Variants in TRPC6 observed in about 807,000 individuals in gnomAD.
TRPC6 encodes short transient receptor potential channel 6.
A neutral mutation model predicts 90.7 loss-of-function variants in TRPC6; 55 were observed. That is an observed-to-expected ratio of 0.61 (90% CI 0.49 to 0.76). The LOEUF is 0.76. Among genes scored for constraint, TRPC6 ranks in the 30% least tolerant of loss-of-function variants. The pLI, the probability that TRPC6 is intolerant of heterozygous loss-of-function variation, is 0.00. For synonymous variants in TRPC6, 393 were observed against 393.0 expected (o/e 1.00, Z 0.00); for missense variants, 989 against 1,122.7 (o/e 0.88, Z 1.70).
chr11:101,459,240 AG>A (rs1858949713), intron 10 of TRPC6, among the ~76,000 whole-genome samples: 1 of 152,182 alleles, frequency 6.6e-6, no homozygotes, highest in Admixed American at 6.5e-5. Context: ...TGAGAGATAA[AG>A]GGAAGTGGAA....
At chr11:101,530,336 C>G (rs1264264397) in intron 1 of TRPC6, among the ~76,000 whole-genome samples, 1 of 152,134 alleles carries the variant, frequency 6.6e-6, no homozygotes, top group African/African-American at 2.4e-5. Flanking sequence ...ACAGCAGATC[C>G]TACGACAGCT....
intron 1 of TRPC6, among the ~76,000 whole-genome samples, chr11:101,567,301 C>T (rs376547947): frequency 1.3e-5 from 2 of 152,044 alleles, no homozygotes; most frequent in Non-Finnish European, 2.9e-5. Context: ...GCCCCTCAGG[C>T]CAGACTGCCT....
At chr11:101,527,594 T>C (rs182545910) in intron 1 of TRPC6, among the ~76,000 whole-genome samples, 8 of 152,288 alleles carry the variant, frequency 5.3e-5, no homozygotes, top group Admixed American at 1.3e-4. Flanking sequence ...TTTAATTCTT[T>C]TCATGGACAT....
At chr11:101,497,680 AAG>A (rs777334741) in intron 2 of TRPC6, among the ~76,000 whole-genome samples, 21 of 152,114 alleles carry the variant, frequency 1.4e-4, no homozygotes, top group Non-Finnish European at 3.1e-4. Context: ...TGCTATATAA[AAG>A]AGGGGATTTT....
chr11:101,534,220 C>T (rs1170065425), intron 1 of TRPC6, among the ~76,000 whole-genome samples: 1 of 152,188 alleles, frequency 6.6e-6, no homozygotes, highest in Non-Finnish European at 1.5e-5. Flanking sequence ...ACTGCAACCT[C>T]TGCCTCCCTG....
rs372635385 is a variant in TRPC6 at position 101,573,996 on chromosome 11, G to A, written c.170+9338C>T. Among the ~76,000 whole-genome samples the A allele has an allele frequency of 1.4e-5, 2 of 147,790 alleles. 1 individual carries two copies. Among genetic ancestry groups the A allele is most frequent in the African/African-American group, 5.1e-5 (2 of 39,516 alleles). Reference sequence around the variant, plus strand: ...TTGAGAAGGGTGGAGAGTACGTAAGGAACAGTGTTGAATCAGATTTGTTTA... The same window carrying A: ...TTGAGAAGGGTGGAGAGTACGTAAGAAACAGTGTTGAATCAGATTTGTTTA... On this transcript the variant is annotated intron_variant, in intron 1 of 12. Coordinates refer to ENST00000344327, the MANE Select transcript of TRPC6 (RefSeq NM_004621.6).
At chr11:101,483,310 T>TA in intron 4 of TRPC6, 145 bp from the exon 5 acceptor site, 1 of 1,055,786 alleles carries the variant, frequency 9.5e-7, no homozygotes, top group Non-Finnish European at 1.4e-6. Flanking sequence ...CGTGATAGAG[T>TA]AATATCTTTA....
At chr11:101,470,816 C>A (rs1405825956) in intron 9 of TRPC6, among the ~76,000 whole-genome samples, 1 of 60,616 alleles carries the variant, frequency 1.6e-5, no homozygotes, top group Admixed American at 1.6e-4. Context: ...CGCCCCCCCC[C>A]CCTCCCCGAG....
intron 10 of TRPC6, chr11:101,455,553 G>A (rs1454270592): frequency 1.3e-5 from 2 of 159,052 alleles, no homozygotes; most frequent in South Asian, 1.8e-4. Context: ...GACTGTGGTG[G>A]AGCAGAATTC....
At chr11:101,550,769 G>C (rs1861432005) in intron 1 of TRPC6, among the ~76,000 whole-genome samples, 1 of 151,524 alleles carries the variant, frequency 6.6e-6, no homozygotes, top group South Asian at 2.1e-4. Context: ...CACTGGACTG[G>C]AAAAATGTGT....
At chr11:101,462,235 G>A (rs1591522948) in intron 10 of TRPC6, among the ~76,000 whole-genome samples, 2 of 152,312 alleles carry the variant, frequency 1.3e-5, no homozygotes, top group East Asian at 3.9e-4. Context: ...ATAGTTTGAA[G>A]TCAGGAGCGT....
At chr11:101,460,007 T>A (rs1342475443) in intron 10 of TRPC6, among the ~76,000 whole-genome samples, 1 of 152,216 alleles carries the variant, frequency 6.6e-6, no homozygotes, top group South Asian at 2.1e-4. Context: ...AATGAATTGC[T>A]GAAGGGGCAG....
intron 1 of TRPC6, among the ~76,000 whole-genome samples, chr11:101,578,944 T>C (rs1265368708): frequency 1.3e-5 from 2 of 152,178 alleles, no homozygotes; most frequent in African/African-American, 4.8e-5. Context: ...TTTGGTGTTC[T>C]GCAATTTAAA....
intron 1 of TRPC6, among the ~76,000 whole-genome samples, chr11:101,527,877 G>T (rs996263522): frequency 3.9e-5 from 6 of 152,002 alleles, no homozygotes; most frequent in African/African-American, 1.5e-4. Flanking sequence ...TTAGAGACCA[G>T]CCTGGCCAAC....
rs1861638850 is a variant in TRPC6 at position 101,558,460 on chromosome 11, T to TACACACACATACACAC, written c.170+24873_170+24874insGTGTGTATGTGTGTGT. 7.9e-5 allele frequency among the ~76,000 whole-genome samples: 4 copies of TACACACACATACACAC among 50,448 alleles called. 1 individual carries two copies. Among genetic ancestry groups the TACACACACATACACAC allele is most frequent in the African/African-American group, 3.5e-4 (4 of 11,382 alleles). The allele number at this position is 50,448 out of a possible 152,430, so 33.1% of individuals were successfully genotyped here. A position where few individuals can be genotyped will look rare whatever the true frequency, so the allele number is the denominator to read the frequency against. ...ATACATATATATACACACGCACACA[T>TACACACACATACACAC]ACACACACACACACACACACACACA... On this transcript the variant is annotated intron_variant, in intron 1 of 12. Transcript: ENST00000344327.
At chr11:101,480,102 C>T (rs1180215491) in intron 5 of TRPC6, among the ~76,000 whole-genome samples, 1 of 152,036 alleles carries the variant, frequency 6.6e-6, no homozygotes, top group African/African-American at 2.4e-5. Flanking sequence ...TGCTTGAACC[C>T]GGGAGGTGGA....
At chr11:101,496,366 T>C (rs1467862477) in intron 2 of TRPC6, among the ~76,000 whole-genome samples, 1 of 152,178 alleles carries the variant, frequency 6.6e-6, no homozygotes, top group Non-Finnish European at 1.5e-5. Flanking sequence ...CTTCTGCTCC[T>C]CAGGATAATT....
intron 1 of TRPC6, among the ~76,000 whole-genome samples, chr11:101,507,328 GTAT>G (rs1860298124): frequency 1.4e-5 from 2 of 144,622 alleles, no homozygotes; most frequent in South Asian, 2.2e-4. Context: ...TATTAAGTGG[GTAT>G]TTTTTTTTTT....
intron 1 of TRPC6, among the ~76,000 whole-genome samples, chr11:101,545,093 T>C (rs77542509): frequency 0.037 from 5,689 of 152,174 alleles, 136 homozygotes; most frequent in Non-Finnish European, 0.05. Flanking sequence ...TCTGTATTAG[T>C]CTTTATACAC....
Sources: gnomAD v4.1 joint callset for allele counts (sites outside exome capture counted in the v4.1 genomes callset) on GRCh38, gnomAD v4.1.1 for gene constraint, MANE v1.5 for transcripts, NCBI Gene and HGNC (gene_info 2026-07-23, HGNC 2026-07-21) for gene names.